IMMP2L: variants seen among roughly 807,000 people sequenced by gnomAD.
The protein encoded by IMMP2L is mitochondrial inner membrane protease subunit 2.
Under a neutral mutation model 19.3 loss-of-function variants are expected in IMMP2L, and 18 were observed. That is an observed-to-expected ratio of 0.93 (90% CI 0.64 to 1.38). The LOEUF is 1.38. IMMP2L is among the 40% of genes most tolerant of loss of function. The pLI, the probability that IMMP2L is intolerant of heterozygous loss-of-function variation, is 0.00. For synonymous variants in IMMP2L, 76 were observed against 73.0 expected (o/e 1.04, Z -0.21); for missense variants, 233 against 218.2 (o/e 1.07, Z -0.43).
intron 3 of IMMP2L, among the ~76,000 whole-genome samples, chr7:110,994,368 T>C (rs1822816918): frequency 6.6e-6 from 1 of 152,100 alleles, no homozygotes. Context: ...TTTAGCAATA[T>C]AAAAAAATTA....
intron 1 of IMMP2L, among the ~76,000 whole-genome samples, chr7:111,559,528 A>C (rs1791768953): frequency 6.6e-6 from 1 of 152,094 alleles, no homozygotes; most frequent in South Asian, 2.1e-4. Flanking sequence ...GAATGATCTG[A>C]TAAGGCCACA....
intron 3 of IMMP2L, among the ~76,000 whole-genome samples, chr7:111,320,050 C>T (rs1469819905): frequency 6.6e-6 from 1 of 152,010 alleles, no homozygotes; most frequent in Non-Finnish European, 1.5e-5. Context: ...ACATCAGCCT[C>T]CATCGTGGGA....
chr7:110,798,107 T>C (rs1344049904), intron 5 of IMMP2L, among the ~76,000 whole-genome samples: 1 of 151,966 alleles, frequency 6.6e-6, no homozygotes, highest in Non-Finnish European at 1.5e-5. Flanking sequence ...ATATATAACT[T>C]TTATTTATCA....
intron 4 of IMMP2L, among the ~76,000 whole-genome samples, chr7:110,958,719 T>C (rs1324949264): frequency 6.6e-6 from 1 of 152,052 alleles, no homozygotes; most frequent in Non-Finnish European, 1.5e-5. Context: ...GTAGATCAGC[T>C]GGTTGACCAG....
chr7:111,147,304 G>A (rs1187896923), intron 3 of IMMP2L, among the ~76,000 whole-genome samples: 1 of 151,984 alleles, frequency 6.6e-6, no homozygotes, highest in Non-Finnish European at 1.5e-5. Context: ...TGTGATTGAT[G>A]GTTCACATAA....
chr7:111,373,809 C>G (rs1830447794), intron 3 of IMMP2L, among the ~76,000 whole-genome samples: 1 of 151,888 alleles, frequency 6.6e-6, no homozygotes, highest in Non-Finnish European at 1.5e-5. Flanking sequence ...ACTCTGTCCC[C>G]AAGCATGAAT....
At chr7:110,982,004 T>C (rs1821354623) in intron 3 of IMMP2L, among the ~76,000 whole-genome samples, 1 of 152,110 alleles carries the variant, frequency 6.6e-6, no homozygotes, top group Non-Finnish European at 1.5e-5. Context: ...AAACTGATAG[T>C]AGGGCATTTT....
chr7:110,664,517 A>C (rs900080486), intron 5 of IMMP2L, among the ~76,000 whole-genome samples: 1 of 152,182 alleles, frequency 6.6e-6, no homozygotes, highest in Non-Finnish European at 1.5e-5. Flanking sequence ...GGGAGGACTT[A>C]AGGCTGAGCC....
chr7:111,518,190 T>C (rs1030054174), intron 2 of IMMP2L, among the ~76,000 whole-genome samples: 8 of 152,030 alleles, frequency 5.3e-5, no homozygotes, highest in African/African-American at 1.9e-4. Flanking sequence ...AAAAAGTAAA[T>C]AAGTATTTCT....
At chr7:111,358,398 C>A (rs545189558) in intron 3 of IMMP2L, among the ~76,000 whole-genome samples, 1 of 151,354 alleles carries the variant, frequency 6.6e-6, no homozygotes, top group African/African-American at 2.4e-5. Flanking sequence ...AGCAGCAATG[C>A]ATAACAAGAC....
chr7:111,129,086 C>CA (rs888290133), intron 3 of IMMP2L, among the ~76,000 whole-genome samples: 3 of 151,804 alleles, frequency 2.0e-5, no homozygotes, highest in Non-Finnish European at 2.9e-5. Flanking sequence ...ATGAAAAATC[C>CA]AAAATGTGTC....
At chr7:110,963,810 G>A (rs980672936) in intron 3 of IMMP2L, among the ~76,000 whole-genome samples, 1 of 151,898 alleles carries the variant, frequency 6.6e-6, no homozygotes, top group African/African-American at 2.4e-5. Flanking sequence ...AAAAAATACA[G>A]AGGAATAAAA....
At chr7:111,138,087 T>C (rs1802519113) in intron 3 of IMMP2L, among the ~76,000 whole-genome samples, 1 of 152,168 alleles carries the variant, frequency 6.6e-6, no homozygotes, top group South Asian at 2.1e-4. Context: ...CCCCTAGGCC[T>C]CCCAAAAGGC....
chr7:110,804,322 A>G (rs147281580), intron 5 of IMMP2L, among the ~76,000 whole-genome samples: 154 of 152,148 alleles, frequency 1.0e-3, no homozygotes, highest in Non-Finnish European at 1.7e-3. Context: ...AAATATTTGC[A>G]TGGCAAAAGT....
chr7:111,009,507 A>G (rs962457479), intron 3 of IMMP2L, among the ~76,000 whole-genome samples: 4 of 152,096 alleles, frequency 2.6e-5, no homozygotes, highest in Admixed American at 2.0e-4. Context: ...AAAAAATGCC[A>G]ATAATGATGA....
intron 5 of IMMP2L, among the ~76,000 whole-genome samples, chr7:110,775,022 G>A (rs1479438257): frequency 2.0e-5 from 3 of 151,990 alleles, no homozygotes; most frequent in Non-Finnish European, 4.4e-5. Context: ...CACCTTCAAT[G>A]ATTACTTAGT....
intron 5 of IMMP2L, among the ~76,000 whole-genome samples, chr7:110,855,624 T>A (rs957310817): frequency 1.3e-5 from 2 of 152,046 alleles, no homozygotes; most frequent in African/African-American, 4.8e-5. Flanking sequence ...ATGTTTAATA[T>A]CCCTTATACC....
intron 3 of IMMP2L, among the ~76,000 whole-genome samples, chr7:111,418,262 T>G (rs79656645): frequency 0.01 from 1,537 of 151,918 alleles, 15 homozygotes; most frequent in Non-Finnish European, 0.015. Context: ...TTAGGAGGGC[T>G]GCCTCCAAAT....
intron 3 of IMMP2L, among the ~76,000 whole-genome samples, chr7:111,232,389 T>TA (rs1321270704): frequency 3.6e-4 from 55 of 150,736 alleles, no homozygotes; most frequent in African/African-American, 1.2e-3. Flanking sequence ...TTTTTTTTTT[T>TA]AAGAAAAACA....
Sources: gnomAD v4.1 joint callset for allele counts (sites outside exome capture counted in the v4.1 genomes callset) on GRCh38, gnomAD v4.1.1 for gene constraint, MANE v1.5 for transcripts, NCBI Gene and HGNC (gene_info 2026-07-23, HGNC 2026-07-21) for gene names.